The following HS6ST2 variants were observed in gnomAD, a reference collection of about 807,000 sequenced individuals.
The protein encoded by HS6ST2 is heparan-sulfate 6-O-sulfotransferase 2.
Under a neutral mutation model 33.0 loss-of-function variants are expected in HS6ST2, and 17 were observed. The ratio of observed to expected loss-of-function variants is 0.52; its 90% CI spans 0.35 to 0.77. HS6ST2 has a LOEUF of 0.77. Among genes scored for constraint, HS6ST2 ranks in the 30% least tolerant of loss-of-function variants. HS6ST2 has a pLI of 0.01. For missense variants in HS6ST2, 519 were observed against 551.7 expected (o/e 0.94, Z 0.59); for synonymous variants, 248 against 237.1 (o/e 1.05, Z -0.42).
intron 2 of HS6ST2, among the ~76,000 whole-genome samples, chrX:132,720,156 C>T (rs183199655): frequency 1.7e-4 from 19 of 112,489 alleles, no homozygotes; most frequent in East Asian, 5.6e-4. Flanking sequence ...GTAGTGGGGA[C>T]GGCCCCTGGA....
chrX:132,883,965 A>T (rs1057506995), intron 2 of HS6ST2, among the ~76,000 whole-genome samples: 1 of 111,715 alleles, frequency 9.0e-6, no homozygotes, highest in Non-Finnish European at 1.9e-5. Context: ...TTAAATGTTA[A>T]TTTGTTTGTT....
chrX:132,639,878 G>A (rs907733450), intron 4 of HS6ST2, among the ~76,000 whole-genome samples: 4 of 111,968 alleles, frequency 3.6e-5, no homozygotes, highest in Non-Finnish European at 7.5e-5. Context: ...TCTTGTCCCA[G>A]GAATCCATTG....
intron 2 of HS6ST2, among the ~76,000 whole-genome samples, chrX:132,886,941 C>T (rs749307558): frequency 5.0e-4 from 55 of 110,615 alleles, no homozygotes; most frequent in Middle Eastern, 4.2e-3. Flanking sequence ...TTGAGACCAG[C>T]CTGACCAACA....
At chrX:132,673,825 T>C (rs1374942382) in intron 3 of HS6ST2, among the ~76,000 whole-genome samples, 3 of 112,007 alleles carry the variant, frequency 2.7e-5, no homozygotes, top group Non-Finnish European at 3.8e-5. Context: ...TCAATCGTGG[T>C]TGTTTCCCCA....
chrX:132,894,749 T>G (rs2066357544), intron 2 of HS6ST2, among the ~76,000 whole-genome samples: 2 of 111,059 alleles, frequency 1.8e-5, no homozygotes, highest in African/African-American at 6.6e-5. Flanking sequence ...TTGGCCAGGC[T>G]GGTCTCGAGC....
chrX:132,811,951 T>G (rs1378697233), intron 2 of HS6ST2, among the ~76,000 whole-genome samples: 1 of 108,002 alleles, frequency 9.3e-6, no homozygotes, highest in East Asian at 2.9e-4. Context: ...TATTCATAAG[T>G]GGAATGGCTG....
rs1569506578 is a variant in HS6ST2 at position 132,956,794 on chromosome X, C to T, written c.947+14G>A. On this transcript the variant is annotated intron_variant, in intron 2 of 4. Coordinates refer to ENST00000370833, the MANE Select transcript of HS6ST2 (RefSeq NM_001394073.1). ...CTAGGCCCGGGTCCCGCTCGACTAC[C>T]GGCGCGCACTCACCTGGACGGTCTC... The T allele has an allele frequency of 7.8e-6, 9 of 1,149,251 alleles. No individual in the cohort carries two copies. In the South Asian group the frequency reaches 1.8e-4, roughly 23 times the overall value. The allele number at this position is 1,149,251 out of a possible 1,213,427, so 94.7% of individuals were successfully genotyped here.
chrX:132,920,158 GC>G (rs2066637511), intron 2 of HS6ST2, among the ~76,000 whole-genome samples: 1 of 110,823 alleles, frequency 9.0e-6, no homozygotes, highest in Non-Finnish European at 1.9e-5. Flanking sequence ...GATAGATTCG[GC>G]CCGTCCATCC....
chrX:132,865,810 C>A (rs1460745873), intron 2 of HS6ST2, among the ~76,000 whole-genome samples: 2 of 111,283 alleles, frequency 1.8e-5, no homozygotes, highest in Admixed American at 9.5e-5. Context: ...CCTTCGCCCA[C>A]TTTTTGATGG....
intron 2 of HS6ST2, among the ~76,000 whole-genome samples, chrX:132,915,732 CT>C (rs146550837): frequency 2.8e-3 from 289 of 102,120 alleles, no homozygotes; most frequent in African/African-American, 5.5e-3. Flanking sequence ...TCATTGGTAA[CT>C]TTTTTTTTTT....
chrX:132,918,589 G>A (rs1212434820), intron 2 of HS6ST2, among the ~76,000 whole-genome samples: 7 of 111,823 alleles, frequency 6.3e-5, no homozygotes, highest in African/African-American at 2.3e-4. Context: ...GCCTTCAGAA[G>A]TACAATTCAA....
At chrX:132,885,518 T>C in intron 2 of HS6ST2, among the ~76,000 whole-genome samples, 1 of 111,838 alleles carries the variant, frequency 8.9e-6, no homozygotes, top group Non-Finnish European at 1.9e-5. Flanking sequence ...GGAGAGCTAC[T>C]GGAGAGCAAA....
At chrX:132,690,593 T>A (rs1427692171) in intron 3 of HS6ST2, among the ~76,000 whole-genome samples, 1 of 111,903 alleles carries the variant, frequency 8.9e-6, no homozygotes, top group East Asian at 2.8e-4. Context: ...TAACAACAGT[T>A]TATTTTTCGT....
chrX:132,727,244 G>A (rs1203150985), intron 2 of HS6ST2, among the ~76,000 whole-genome samples: 1 of 100,907 alleles, frequency 9.9e-6, no homozygotes, highest in Non-Finnish European at 2.0e-5. Flanking sequence ...ATTGGGGGGG[G>A]GGGCATAGAG....
chrX:132,916,533 A>T (rs2148474685), intron 2 of HS6ST2, among the ~76,000 whole-genome samples: 1 of 112,002 alleles, frequency 8.9e-6, no homozygotes, highest in East Asian at 2.8e-4. Flanking sequence ...GAGTCAGCAG[A>T]GTGTTATGGG....
chrX:132,856,492 G>C (rs917990371), intron 2 of HS6ST2, among the ~76,000 whole-genome samples: 1 of 111,628 alleles, frequency 9.0e-6, no homozygotes, highest in Admixed American at 9.6e-5. Flanking sequence ...ATGATCACTG[G>C]ATTGCAAACA....
Position 132,674,999 on chromosome X carries a change from T to C in HS6ST2, c.981-5800A>G, listed in dbSNP as rs561068594. On this transcript the variant is annotated intron_variant, in intron 3 of 4. Transcript: ENST00000370833. ...TATGACAGAACTTGGGGATTGACTA[T>C]GTTTGGGGAATGAGAATAAACCCTA... is the stretch of plus-strand genomic sequence containing the variant. 4.7e-4 allele frequency among the ~76,000 whole-genome samples: 53 copies of C among 111,776 alleles called. No homozygotes were observed. The South Asian group carries it at 0.018, about 38-fold the overall frequency.
At chrX:132,850,140 T>C (rs1213898478) in intron 2 of HS6ST2, among the ~76,000 whole-genome samples, 1 of 112,381 alleles carries the variant, frequency 8.9e-6, no homozygotes, top group Non-Finnish European at 1.9e-5. Flanking sequence ...TGGGAAAAAA[T>C]ACATTGTATG....
intron 2 of HS6ST2, among the ~76,000 whole-genome samples, chrX:132,929,855 TA>T (rs1470210639): frequency 9.0e-6 from 1 of 111,701 alleles, no homozygotes; most frequent in Non-Finnish European, 1.9e-5. Flanking sequence ...AAAACCAAAT[TA>T]AGCAAACAGG....
Sources: gnomAD v4.1 joint callset for allele counts (sites outside exome capture counted in the v4.1 genomes callset) on GRCh38, gnomAD v4.1.1 for gene constraint, MANE v1.5 for transcripts, NCBI Gene and HGNC (gene_info 2026-07-23, HGNC 2026-07-21) for gene names.